Variants in TBC1D9 observed in about 807,000 individuals in gnomAD.
The protein encoded by TBC1D9 is TBC1 domain family member 9A.
TBC1D9 carries 63 observed loss-of-function variants against 132.0 expected under a neutral mutation model. That is an observed-to-expected ratio of 0.48 (90% CI 0.39 to 0.59). The LOEUF (loss-of-function observed/expected upper bound fraction) is 0.59. TBC1D9 is among the 20% of genes least tolerant of loss of function. The pLI is 0.00. For missense variants in TBC1D9, 1,261 were observed against 1,592.7 expected, an observed-to-expected ratio of 0.79 and a Z score of 3.54; for synonymous variants, 610 against 609.9, an observed-to-expected ratio of 1.00 and a Z score of 0.00.
chr4:140,743,552 G>A (rs1738792724), intron 1 of TBC1D9, among the ~76,000 whole-genome samples: 1 of 152,174 alleles, frequency 6.6e-6, no homozygotes, highest in Admixed American at 6.5e-5. Flanking sequence ...GGGAGGCAGA[G>A]AACACAAAGA....
intron 3 of TBC1D9, 32 bp from the exon 4 acceptor site, chr4:140,679,875 T>C: frequency 2.6e-6 from 4 of 1,551,314 alleles, no homozygotes; most frequent in Middle Eastern, 1.7e-4. Flanking sequence ...AGCACACAAC[T>C]GGTATTAATA....
At chr4:140,650,700 T>C (rs1260906970) in intron 13 of TBC1D9, among the ~76,000 whole-genome samples, 1 of 152,080 alleles carries the variant, frequency 6.6e-6, no homozygotes, top group African/African-American at 2.4e-5. Flanking sequence ...GCCTGGCTGA[T>C]TTTTTTGTCT....
At chr4:140,633,688 C>T (rs1042917484) in intron 16 of TBC1D9, among the ~76,000 whole-genome samples, 2 of 151,916 alleles carry the variant, frequency 1.3e-5, no homozygotes, top group Non-Finnish European at 1.5e-5. Flanking sequence ...TCTTGTAAAA[C>T]TATCTCGTCT....
chr4:140,668,944 G>A lies in TBC1D9; in HGVS notation c.1561C>T (p.Arg521Cys), dbSNP rs1471522831. ...GACAGCAGCAGCCAGAGCTCCCCAC[G>A]CATGCTCTCCGGGATGCCCTTCAAC... is the stretch of plus-strand genomic sequence containing the variant. ...LVLKGIPESM[R>C]GELWLLLSGA... The change falls in exon 9 of 21, where the codon CGT (arginine) becomes TGT (cysteine). Residue 521 changes from arginine to cysteine, a missense_variant. This residue lies in a region of TBC1D9 where 550 missense variants were observed against 699.0 expected (regional missense o/e 0.79). Coordinates refer to ENST00000442267, the MANE Select transcript of TBC1D9 (RefSeq NM_015130.3). The A allele has an allele frequency of 1.9e-6, 3 of 1,613,696 alleles. No homozygotes were observed. Among genetic ancestry groups the A allele is most frequent in the Non-Finnish European group, 2.5e-6 (3 of 1,179,862 alleles).
intron 2 of TBC1D9, among the ~76,000 whole-genome samples, chr4:140,694,570 C>CA (rs200877899): frequency 3.2e-3 from 317 of 100,112 alleles, no homozygotes; most frequent in Middle Eastern, 5.3e-3. Flanking sequence ...GACCCTGTCT[C>CA]AAAAAAAAAA....
intron 2 of TBC1D9, among the ~76,000 whole-genome samples, chr4:140,687,393 T>TATATAA (rs1737806017): frequency 1.0e-5 from 1 of 96,888 alleles, no homozygotes; most frequent in Non-Finnish European, 2.0e-5. Flanking sequence ...TATATATATA[T>TATATAA]ATAAACATAT....
intron 6 of TBC1D9, among the ~76,000 whole-genome samples, chr4:140,674,398 T>G (rs1375044700): frequency 1.3e-5 from 2 of 152,290 alleles, no homozygotes; most frequent in East Asian, 3.9e-4. Flanking sequence ...TGTTTGCTAT[T>G]TATAACTTAA....
intron 2 of TBC1D9, 66 bp downstream of exon 2, chr4:140,701,438 T>C (rs913034371): frequency 1.6e-6 from 2 of 1,213,616 alleles, no homozygotes; most frequent in Non-Finnish European, 2.4e-6. Flanking sequence ...CCTTTCCTTC[T>C]GATAAAAAGT....
At chr4:140,650,905 T>A (rs1041936928) in intron 13 of TBC1D9, among the ~76,000 whole-genome samples, 1 of 152,154 alleles carries the variant, frequency 6.6e-6, no homozygotes, top group Non-Finnish European at 1.5e-5. Context: ...TTTTGACACC[T>A]GGACATTGTA....
intron 2 of TBC1D9, among the ~76,000 whole-genome samples, chr4:140,696,312 C>T (rs1328175022): frequency 6.6e-6 from 1 of 151,796 alleles, no homozygotes; most frequent in Non-Finnish European, 1.5e-5. Context: ...CAAAAATTAC[C>T]CAGGCGTGGT....
At chr4:140,747,955 AAATAAC>A (rs1322111347) in intron 1 of TBC1D9, among the ~76,000 whole-genome samples, 1 of 152,218 alleles carries the variant, frequency 6.6e-6, no homozygotes, top group Non-Finnish European at 1.5e-5. Context: ...TTCTCATAGA[AAATAAC>A]ATTATCTTCT....
At chr4:140,642,453 G>C in intron 13 of TBC1D9, 3 of 903,690 alleles carry the variant, frequency 3.3e-6, no homozygotes, top group South Asian at 2.9e-5. Context: ...AAGGAGTTAA[G>C]TACTTGCTGC....
intron 1 of TBC1D9, among the ~76,000 whole-genome samples, chr4:140,705,511 C>CAT (rs1738136764): frequency 8.7e-6 from 1 of 114,412 alleles, no homozygotes; most frequent in Non-Finnish European, 1.7e-5. Flanking sequence ...GGGGTGTGTG[C>CAT]ATGTGTGTGT....
At chr4:140,735,001 C>T (rs1233066102) in intron 1 of TBC1D9, among the ~76,000 whole-genome samples, 4 of 152,082 alleles carry the variant, frequency 2.6e-5, no homozygotes, top group African/African-American at 9.7e-5. Context: ...TCCAGAAAGG[C>T]CTTTAAGACA....
intron 9 of TBC1D9, 67 bp from the exon 10 acceptor site, chr4:140,662,174 G>T: frequency 1.6e-6 from 2 of 1,244,564 alleles, no homozygotes; most frequent in Non-Finnish European, 2.4e-6. Flanking sequence ...TGCAACTACA[G>T]CTTATGATTG....
chr4:140,745,703 T>A (rs1018963898), intron 1 of TBC1D9, among the ~76,000 whole-genome samples: 2 of 152,166 alleles, frequency 1.3e-5, no homozygotes, highest in African/African-American at 4.8e-5. Context: ...CAACAGTAGG[T>A]TATTAGGAGT....
Position 140,756,038 on chromosome 4 carries a change from AC to A in TBC1D9, c.7del (p.Val3Ter). 6.2e-7 allele frequency: 1 copy of A among 1,605,280 alleles called. No individual in the cohort carries two copies. Among genetic ancestry groups the A allele is most frequent in the Non-Finnish European group, 8.5e-7 (1 of 1,176,094 alleles). Reference sequence around the variant, plus strand: ...GGCCAGCAACACCTCCTCCGGGTTCACCCACATGGTCCTGGCTGCCGCGGGC... The same window carrying A: ...GGCCAGCAACACCTCCTCCGGGTTCACCACATGGTCCTGGCTGCCGCGGGC... MWVNPEEVLLANA... is the reference protein window; with the variant it reads MWXNPEEVLLANA... On this transcript the variant is annotated frameshift_variant, in exon 1 of 21. Transcript: ENST00000442267. LOFTEE classifies it high-confidence loss of function. The surrounding 1 kb of genome is among the most constrained non-coding windows in gnomAD (Gnocchi z 5.6).
chr4:140,697,023 A>G (rs1385157491), intron 2 of TBC1D9, among the ~76,000 whole-genome samples: 5 of 152,176 alleles, frequency 3.3e-5, no homozygotes, highest in Non-Finnish European at 1.5e-5. Context: ...CTGCTCTTAA[A>G]ATCTTATCAT....
chr4:140,696,853 A>G (rs185152323), intron 2 of TBC1D9, among the ~76,000 whole-genome samples: 30 of 152,378 alleles, frequency 2.0e-4, no homozygotes, highest in Middle Eastern at 3.4e-3. Flanking sequence ...AATTATCTGC[A>G]GAAGTTTCTT....
Sources: gnomAD v4.1 joint callset for allele counts (sites outside exome capture counted in the v4.1 genomes callset) on GRCh38, gnomAD v4.1.1 for gene constraint, gnomAD v4.1.1 regional missense constraint, Gnocchi (gnomAD v3.1) non-coding constraint, MANE v1.5 for transcripts, NCBI Gene and HGNC (gene_info 2026-07-23, HGNC 2026-07-21) for gene names.